The following DCAF1 variants were observed in gnomAD, a reference collection of about 807,000 sequenced individuals.
The protein encoded by DCAF1 is DDB1- and CUL4-associated factor 1.
A neutral mutation model predicts 128.0 loss-of-function variants in DCAF1; 15 were observed. The ratio of observed to expected loss-of-function variants is 0.12; its 90% confidence interval spans 0.08 to 0.18. The LOEUF (loss-of-function observed/expected upper bound fraction) is 0.18, where lower values mean the gene tolerates loss of function less well. Among genes scored for constraint, DCAF1 ranks in the 10% least tolerant of loss-of-function variants. The pLI is 1.00. For missense variants in DCAF1, 988 were observed against 1,649.5 expected, an observed-to-expected ratio of 0.60 and a Z score of 6.95; for synonymous variants, 610 against 603.0, an observed-to-expected ratio of 1.01 and a Z score of -0.17.
intron 23 of DCAF1, among the ~76,000 whole-genome samples, chr3:51,407,569 G>A (rs1322687538): frequency 6.6e-6 from 1 of 152,090 alleles, no homozygotes; most frequent in Non-Finnish European, 1.5e-5. Flanking sequence ...ATAAATTTAA[G>A]GTTAAGTATA....
rs1553631451 is a variant in DCAF1 at position 51,418,853 on chromosome 3, C to T, written c.3260G>A (p.Arg1087Gln). 6.2e-7 allele frequency: 1 copy of T among 1,612,820 alleles called. No individual in the cohort carries two copies. Among genetic ancestry groups the T allele is most frequent in the African/African-American group, 1.3e-5 (1 of 74,798 alleles). The change falls in exon 16 of 25, where the codon CGG (arginine) becomes CAG (glutamine). Residue 1087 changes from arginine (R) to glutamine (Q), a missense_variant. Coordinates refer to ENST00000684031, the MANE Select transcript of DCAF1 (RefSeq NM_001387579.1). ...GCCACTCTCATCTTCATTGGCTTCC[C>T]GGAACACTGAAATAGGACGGAATCT... ...FSRFRPISVFREANEDESGFT... is the reference protein window; with the variant it reads ...FSRFRPISVFQEANEDESGFT...
At chr3:51,456,326 G>C (rs1461259523) in intron 6 of DCAF1, among the ~76,000 whole-genome samples, 1 of 152,212 alleles carries the variant, frequency 6.6e-6, no homozygotes. Flanking sequence ...AGCAGTCCCA[G>C]ATCAAACTGC....
intron 6 of DCAF1, among the ~76,000 whole-genome samples, chr3:51,450,977 A>G (rs368084945): frequency 5.7e-4 from 87 of 151,838 alleles, no homozygotes; most frequent in African/African-American, 2.0e-3. Flanking sequence ...CAGTGAAGTA[A>G]CACATTCAGC....
At chr3:51,423,677 G>C (rs1215554762) in intron 13 of DCAF1, among the ~76,000 whole-genome samples, 1 of 151,794 alleles carries the variant, frequency 6.6e-6, no homozygotes, top group African/African-American at 2.4e-5. Flanking sequence ...AAACCAGCCA[G>C]GCATGGTGGT....
upstream of DCAF1, among the ~76,000 whole-genome samples, chr3:51,501,565 A>G (rs1192782286): frequency 2.0e-5 from 3 of 152,188 alleles, no homozygotes; most frequent in Non-Finnish European, 2.9e-5. Flanking sequence ...TGCTATGCTC[A>G]GGCTCGACAG....
chr3:51,414,062 A>G lies in DCAF1; in HGVS notation c.3838-19T>C. 1 of 1,573,428 alleles carries G rather than the reference A, an allele frequency of 6.4e-7. No individual in the cohort carries two copies. Among genetic ancestry groups the G allele is most frequent in the Non-Finnish European group, 8.6e-7 (1 of 1,162,564 alleles). ...GGTCCCACTAGGAGGGGAATGGTCAAGGAAAACTATTTTACACAAAACTTA... is the reference window on the plus strand; with the variant it reads ...GGTCCCACTAGGAGGGGAATGGTCAGGGAAAACTATTTTACACAAAACTTA... On this transcript the variant is annotated intron_variant, in intron 19 of 24. Transcript: ENST00000684031.
At chr3:51,478,471 T>G (rs1553651507) in intron 3 of DCAF1, among the ~76,000 whole-genome samples, 1 of 152,124 alleles carries the variant, frequency 6.6e-6, no homozygotes, top group Non-Finnish European at 1.5e-5. Flanking sequence ...TTAGTATAAG[T>G]GCTCAAAGAA....
At chr3:51,413,200 C>T (rs1194839803) in intron 21 of DCAF1, 82 bp downstream of exon 21, 2 of 1,545,648 alleles carry the variant, frequency 1.3e-6, no homozygotes, top group South Asian at 1.2e-5. Context: ...TAAAAAATTA[C>T]AGGCCTCCAG....
At chr3:51,462,483 C>T (rs1408537971) in intron 6 of DCAF1, among the ~76,000 whole-genome samples, 3 of 151,952 alleles carry the variant, frequency 2.0e-5, no homozygotes, top group Admixed American at 1.3e-4. Context: ...CGATGGCTCA[C>T]GCCTGTAATG....
At chr3:51,441,984 T>G in intron 7 of DCAF1, 87 bp from the exon 8 acceptor site, 1 of 1,498,092 alleles carries the variant, frequency 6.7e-7, no homozygotes, top group South Asian at 1.4e-5. Context: ...ACATAATAAC[T>G]GGAGACTCAT....
In DCAF1 at chr3:51,414,165, G is replaced by A. The variant is rs1698676060; in HGVS notation, c.3838-122C>T. The A allele has an allele frequency of 2.3e-6, 3 of 1,314,222 alleles. No homozygotes were observed. The East Asian group carries it at 8.2e-5, about 36-fold the overall frequency. 81.4% of individuals were successfully genotyped at this position (1,314,222 alleles called of 1,614,324 possible). On this transcript the variant is annotated intron_variant, in intron 19 of 24. Coordinates refer to ENST00000684031, the MANE Select transcript of DCAF1 (RefSeq NM_001387579.1). ...GTATTGATACTTTAAAAGTCAATGA[G>A]ATCAAGGTAAAACAAATACATGTAG...
intron 5 of DCAF1, 137 bp from the exon 6 acceptor site, chr3:51,463,364 T>C (rs1703810114): frequency 4.6e-6 from 2 of 432,518 alleles, no homozygotes; most frequent in Non-Finnish European, 8.0e-6. Flanking sequence ...AATTAAACTT[T>C]TACTAATTAA....
chr3:51,440,254 A>G, intron 9 of DCAF1: 1 of 430,560 alleles, frequency 2.3e-6, no homozygotes, highest in Non-Finnish European at 4.5e-6. Flanking sequence ...CTATAGAAAT[A>G]ACTTGAGCAA....
At chr3:51,481,379 G>A (rs1487532496) in intron 3 of DCAF1, among the ~76,000 whole-genome samples, 4 of 152,116 alleles carry the variant, frequency 2.6e-5, no homozygotes, top group Admixed American at 2.6e-4. Flanking sequence ...TGCTTAATGG[G>A]CCAGTCAAGA....
chr3:51,477,917 T>TAC (rs782424048), intron 3 of DCAF1, among the ~76,000 whole-genome samples: 18 of 151,852 alleles, frequency 1.2e-4, no homozygotes, highest in Admixed American at 5.9e-4. Flanking sequence ...TATATATATA[T>TAC]ACACACACAC....
Position 51,398,639 on chromosome 3 carries a change from C to A in DCAF1, c.*130G>T. The A allele has an allele frequency of 7.9e-7, 1 of 1,263,714 alleles. No individual in the cohort carries two copies. Among genetic ancestry groups the A allele is most frequent in the Non-Finnish European group, 1.1e-6 (1 of 918,176 alleles). The allele number at this position is 1,263,714 out of a possible 1,614,324, so 78.3% of individuals were successfully genotyped here. On this transcript the variant is annotated 3_prime_UTR_variant, in exon 25 of 25. Transcript: ENST00000684031. ...CCAATGAGGCTCTCTAAGCCATAAT[C>A]TTCTGAATGCAGGGCATGCAGCTCC...
At chr3:51,449,365 G>A (rs531505003) in intron 6 of DCAF1, among the ~76,000 whole-genome samples, 12 of 152,054 alleles carry the variant, frequency 7.9e-5, no homozygotes, top group East Asian at 3.9e-4. Context: ...ACGCCATCAC[G>A]CCTGGCTAAT....
intron 23 of DCAF1, among the ~76,000 whole-genome samples, chr3:51,409,401 G>A (rs1189111124): frequency 2.0e-5 from 3 of 152,164 alleles, no homozygotes; most frequent in African/African-American, 7.2e-5. Flanking sequence ...CCTCTGAGTT[G>A]ACCTCCCCCT....
At chr3:51,439,624 C>T (rs1553638084) in intron 9 of DCAF1, among the ~76,000 whole-genome samples, 2 of 151,804 alleles carry the variant, frequency 1.3e-5, no homozygotes, top group African/African-American at 4.8e-5. Context: ...TCTGCTATTT[C>T]ATTACTCATT....
Sources: gnomAD v4.1 joint callset for allele counts (sites outside exome capture counted in the v4.1 genomes callset) on GRCh38, gnomAD v4.1.1 for gene constraint, MANE v1.5 for transcripts, NCBI Gene and HGNC (gene_info 2026-07-23, HGNC 2026-07-21) for gene names.